ANXA13: variants seen among roughly 807,000 people sequenced by gnomAD.
ANXA13 encodes the protein annexin XIII.
In ANXA13, 36 loss-of-function variants were observed where a neutral mutation model predicts 46.6. The ratio of observed to expected loss-of-function variants is 0.77; its 90% CI spans 0.59 to 1.02. ANXA13 has a LOEUF of 1.02. ANXA13 is among the 50% of genes least tolerant of loss of function. The pLI is 0.00. For missense variants in ANXA13, 417 were observed against 396.5 expected (o/e 1.05, Z -0.44); for synonymous variants, 163 against 152.9 (o/e 1.07, Z -0.49).
intron 1 of ANXA13, among the ~76,000 whole-genome samples, chr8:123,734,786 A>G (rs1019336884): frequency 2.0e-5 from 3 of 149,374 alleles, no homozygotes; most frequent in African/African-American, 7.4e-5. Context: ...ATCCTAGATC[A>G]TCAAGATGAC....
At chr8:123,708,705 C>A (rs1225389932) in intron 2 of ANXA13, among the ~76,000 whole-genome samples, 1 of 152,222 alleles carries the variant, frequency 6.6e-6, no homozygotes, top group Non-Finnish European at 1.5e-5. Context: ...TAGCTTAAAA[C>A]AACAGCAGTC....
In ANXA13 at chr8:123,698,417, A is replaced by C; in HGVS notation, c.329T>G (p.Ile110Ser). Residue 110 changes from isoleucine to serine, a missense_variant, in exon 4 of 11, where the codon ATT (isoleucine) becomes AGT (serine). Transcript: ENST00000419625. Reference protein sequence around the residue: ...KGLGTDESVLIEVLCTRTNKE... With the variant: ...KGLGTDESVLSEVLCTRTNKE... Reference sequence around the variant, plus strand: ...ATTGGTCCTCGTGCACAGGACCTCAATGAGGACGGACTCATCTGTGCCCAG... The same window carrying C: ...ATTGGTCCTCGTGCACAGGACCTCACTGAGGACGGACTCATCTGTGCCCAG... 1 of 1,614,142 alleles carries C rather than the reference A, an allele frequency of 6.2e-7. No homozygotes were observed. The highest frequency in any genetic ancestry group is 2.2e-5 in the East Asian group (1 of 44,874).
intron 9 of ANXA13, among the ~76,000 whole-genome samples, chr8:123,686,459 T>TAA (rs750752983): frequency 8.0e-6 from 1 of 124,954 alleles, no homozygotes; most frequent in African/African-American, 2.9e-5. Context: ...AACTGTGTCT[T>TAA]AAAAAAAAAA....
At chr8:123,692,554 A>G (rs901361933) in intron 8 of ANXA13, among the ~76,000 whole-genome samples, 3 of 152,182 alleles carry the variant, frequency 2.0e-5, no homozygotes, top group African/African-American at 4.8e-5. Context: ...TTAAAATATA[A>G]TTTATGTGCA....
chr8:123,684,317 T>G (rs1304510970), intron 10 of ANXA13, among the ~76,000 whole-genome samples: 1 of 152,228 alleles, frequency 6.6e-6, no homozygotes, highest in African/African-American at 2.4e-5. Context: ...CATGGAGCCA[T>G]GCATAGCTGC....
intron 4 of ANXA13, among the ~76,000 whole-genome samples, chr8:123,696,667 G>A (rs574763954): frequency 1.3e-5 from 2 of 151,754 alleles, no homozygotes; most frequent in Non-Finnish European, 2.9e-5. Flanking sequence ...GGGTGGGAGG[G>A]AAGGGCAGGC....
At chr8:123,726,481 G>A (rs2129935514) in intron 1 of ANXA13, among the ~76,000 whole-genome samples, 1 of 152,344 alleles carries the variant, frequency 6.6e-6, no homozygotes, top group African/African-American at 2.4e-5. Flanking sequence ...CTGTGGTATA[G>A]GGAGTCCAAG....
At chr8:123,734,450 C>T (rs990758204) in intron 1 of ANXA13, among the ~76,000 whole-genome samples, 17 of 152,064 alleles carry the variant, frequency 1.1e-4, no homozygotes, top group South Asian at 4.2e-4. Flanking sequence ...TGTGATTTGG[C>T]GGATGATAAT....
At chr8:123,728,151 T>C (rs1023497384) in intron 1 of ANXA13, 11 of 152,164 alleles carry the variant, frequency 7.2e-5, no homozygotes, top group African/African-American at 2.7e-4. Flanking sequence ...GCTGGAGAAC[T>C]TGGAGTTTCT....
intron 4 of ANXA13, 96 bp downstream of exon 4, chr8:123,698,293 A>G: frequency 7.3e-7 from 1 of 1,374,504 alleles, no homozygotes; most frequent in Non-Finnish European, 1.0e-6. Context: ...TGCTCAGTCC[A>G]TGGATAGAAT....
At chr8:123,713,906 C>T (rs1480784600) in intron 1 of ANXA13, among the ~76,000 whole-genome samples, 2 of 152,134 alleles carry the variant, frequency 1.3e-5, no homozygotes, top group Non-Finnish European at 2.9e-5. Flanking sequence ...GTTTCCCAGG[C>T]TGGTCTTGAA....
intron 1 of ANXA13, among the ~76,000 whole-genome samples, chr8:123,722,929 G>A (rs986606192): frequency 1.3e-5 from 2 of 152,116 alleles, no homozygotes; most frequent in African/African-American, 2.4e-5. Flanking sequence ...TCAAGTAGAG[G>A]AGGGATCATA....
intron 3 of ANXA13, 58 bp from the exon 4 acceptor site, chr8:123,698,617 T>C (rs1352023615): frequency 6.4e-5 from 100 of 1,571,978 alleles, no homozygotes; most frequent in African/African-American, 9.4e-5. Flanking sequence ...GGGGCAGGTG[T>C]CTGCTTGCAC....
chr8:123,708,251 C>T (rs534154700), intron 2 of ANXA13, among the ~76,000 whole-genome samples: 3 of 152,230 alleles, frequency 2.0e-5, no homozygotes, highest in Non-Finnish European at 2.9e-5. Context: ...AGGTCAAAGA[C>T]GGGGCAATAA....
At chr8:123,710,532 T>C (rs1263452087) in intron 2 of ANXA13, among the ~76,000 whole-genome samples, 1 of 152,218 alleles carries the variant, frequency 6.6e-6, no homozygotes, top group African/African-American at 2.4e-5. Flanking sequence ...ATTAGTTTAA[T>C]AAAACATTCT....
chr8:123,702,704 AT>A lies in ANXA13; in HGVS notation c.123del (p.Leu41PhefsTer32), dbSNP rs779317605. On this transcript the variant is annotated frameshift_variant, in exon 3 of 11. Transcript: ENST00000419625. LOFTEE classifies it high-confidence loss of function. ...GTNEAAIIEI[L>X]SGRTSDERQQ... ...TGCCTCTCATCTGATGTCCTGCCCG[AT>A]AAGATTTCAATGATGGCTGCTTCAT... 32 of 1,614,080 alleles carry A rather than the reference AT, an allele frequency of 2.0e-5. No homozygotes were observed. The South Asian group carries it at 2.9e-4, about 14-fold the overall frequency.
chr8:123,696,768 A>T (rs1813346573), intron 4 of ANXA13, among the ~76,000 whole-genome samples: 1 of 152,084 alleles, frequency 6.6e-6, no homozygotes, highest in South Asian at 2.1e-4. Context: ...TGAACCTGGC[A>T]CCCACTCTCT....
At chr8:123,726,896 A>T (rs1341603249) in intron 1 of ANXA13, among the ~76,000 whole-genome samples, 1 of 152,240 alleles carries the variant, frequency 6.6e-6, no homozygotes, top group African/African-American at 2.4e-5. Flanking sequence ...AATTAATGGC[A>T]TTTGCAGCAA....
intron 4 of ANXA13, among the ~76,000 whole-genome samples, 158 bp downstream of exon 4, chr8:123,698,231 G>A (rs1014830695): frequency 3.3e-5 from 5 of 152,200 alleles, no homozygotes; most frequent in Non-Finnish European, 7.3e-5. Context: ...TGGAAGACTG[G>A]AAGAGATGTC....
Sources: allele counts gnomAD v4.1 joint callset (sites outside exome capture counted in the v4.1 genomes callset), GRCh38; gene constraint gnomAD v4.1.1; transcripts MANE v1.5; gene names NCBI Gene and HGNC (gene_info 2026-07-23, HGNC 2026-07-21).